STXBP3: variants seen among roughly 807,000 people sequenced by gnomAD.
The protein encoded by STXBP3 is syntaxin binding protein 3.
A neutral mutation model predicts 85.7 loss-of-function variants in STXBP3; 41 were observed. The ratio of observed to expected loss-of-function variants is 0.48; its 90% CI spans 0.37 to 0.62. The LOEUF (loss-of-function observed/expected upper bound fraction) is 0.62, where lower values mean the gene tolerates loss of function less well. STXBP3 is among the 20% of genes least tolerant of loss of function. The pLI is 0.00. For missense variants in STXBP3, 563 were observed against 703.1 expected (o/e 0.80, Z 2.25); for synonymous variants, 229 against 231.7 (o/e 0.99, Z 0.10).
At chr1:108,754,118 C>G (rs1269514299) in intron 3 of STXBP3, among the ~76,000 whole-genome samples, 5 of 150,062 alleles carry the variant, frequency 3.3e-5, no homozygotes, top group Admixed American at 1.3e-4. Context: ...CTGCAGCCTC[C>G]TCCTCCTGGG....
intron 6 of STXBP3, among the ~76,000 whole-genome samples, chr1:108,765,591 T>TTTTTTTTTTTC (rs796642937): frequency 7.3e-5 from 9 of 122,650 alleles, no homozygotes; most frequent in Non-Finnish European, 1.2e-4. Context: ...TTTTTTTTTT[T>TTTTTTTTTTTC]TGAGACGGAG....
intron 17 of STXBP3, among the ~76,000 whole-genome samples, chr1:108,801,428 C>G (rs1327002413): frequency 6.6e-6 from 1 of 152,120 alleles, no homozygotes; most frequent in Non-Finnish European, 1.5e-5. Context: ...GAATCTTTCT[C>G]TCTTGCTCTC....
chr1:108,769,637 A>G (rs1435712222), intron 6 of STXBP3, among the ~76,000 whole-genome samples: 2 of 152,182 alleles, frequency 1.3e-5, no homozygotes, highest in Non-Finnish European at 2.9e-5. Flanking sequence ...AGTAGTCTTA[A>G]AAAACTTTTA....
Position 108,809,074 on chromosome 1 carries a change from AGAT to A in STXBP3, c.*203_*205del, listed in dbSNP as rs1341883458. On this transcript the variant is annotated 3_prime_UTR_variant, in exon 19 of 19. Transcript: ENST00000370008. ...AATTTAAATATTGCTGCTGCTTTGT[AGAT>A]GATGAGAAGAAATGTTAAAGTGCTT... 2.2e-6 allele frequency: 1 copy of A among 464,290 alleles called. No individual in the cohort carries two copies. The highest frequency in any genetic ancestry group is 3.8e-6 in the Non-Finnish European group (1 of 266,654). The allele number at this position is 464,290 out of a possible 1,614,324, so 28.8% of individuals were successfully genotyped here. A position where few individuals can be genotyped will look rare whatever the true frequency, so the allele number is the denominator to read the frequency against.
At position 108,782,190 on chromosome 1, in the gene STXBP3, A is replaced by G. The variant is rs1662727798; in HGVS notation, c.810-232A>G. 8 of 404,552 alleles carry G rather than the reference A, an allele frequency of 2.0e-5. No individual in the cohort carries two copies. The East Asian group carries it at 3.2e-4, about 16-fold the overall frequency. 25.1% of individuals were successfully genotyped at this position (404,552 alleles called of 1,614,324 possible). On this transcript the variant is annotated intron_variant, in intron 9 of 18. Transcript: ENST00000370008. ...ATTTTGCTGAACTAAAACTCTAATA[A>G]TGGCACCTAAACTGAATATTTGAAA...
intron 7 of STXBP3, among the ~76,000 whole-genome samples, chr1:108,773,066 C>T (rs975105045): frequency 9.2e-5 from 14 of 152,002 alleles, no homozygotes; most frequent in African/African-American, 2.2e-4. Context: ...GTTTAAAGAA[C>T]GCTTAGAGGA....
chr1:108,807,142 C>G (rs1192690533), intron 17 of STXBP3, among the ~76,000 whole-genome samples: 1 of 151,598 alleles, frequency 6.6e-6, no homozygotes, highest in Non-Finnish European at 1.5e-5. Context: ...ATCCTAGCTA[C>G]TCGGGAGGCT....
intron 16 of STXBP3, among the ~76,000 whole-genome samples, chr1:108,799,673 G>A (rs11586564): frequency 0.46 from 69,094 of 151,854 alleles, 16,091 homozygotes; most frequent in Non-Finnish European, 0.51. Context: ...AAAAATGTGA[G>A]CATGAACCTA....
intron 6 of STXBP3, among the ~76,000 whole-genome samples, chr1:108,765,495 G>A (rs1324608174): frequency 6.6e-6 from 1 of 151,902 alleles, no homozygotes. Flanking sequence ...TCCATAAGAG[G>A]CAAAGACTAT....
At chr1:108,791,091 T>G (rs1041846822) in intron 11 of STXBP3, among the ~76,000 whole-genome samples, 2 of 152,294 alleles carry the variant, frequency 1.3e-5, no homozygotes, top group Non-Finnish European at 1.5e-5. Flanking sequence ...GCATCTTCGT[T>G]TTGCAATTTT....
Position 108,772,836 on chromosome 1 carries a change from C to A in STXBP3, c.593+17C>A. On this transcript the variant is annotated intron_variant, in intron 7 of 18. Transcript: ENST00000370008. ...ATATAAAAGGTAAGACACTGAGCAT[C>A]TGCACATGTTATGCTTCCTATTTAC... is the stretch of plus-strand genomic sequence containing the variant. 6.4e-7 allele frequency: 1 copy of A among 1,566,252 alleles called. No individual in the cohort carries two copies. The highest frequency in any genetic ancestry group is 1.4e-5 in the African/African-American group (1 of 72,878).
At chr1:108,752,370 A>C in intron 2 of STXBP3, 64 bp downstream of exon 2, 2 of 1,452,956 alleles carry the variant, frequency 1.4e-6, no homozygotes, top group Non-Finnish European at 1.9e-6. Context: ...TACAGTATAA[A>C]AACTACATAG....
intron 1 of STXBP3, among the ~76,000 whole-genome samples, chr1:108,747,899 G>A (rs1377053516): frequency 6.6e-6 from 1 of 152,152 alleles, no homozygotes; most frequent in African/African-American, 2.4e-5. Flanking sequence ...GATTTGAGAT[G>A]TTTTAAAACA....
intron 17 of STXBP3, among the ~76,000 whole-genome samples, chr1:108,801,723 C>T (rs2101137151): frequency 6.6e-6 from 1 of 151,418 alleles, no homozygotes; most frequent in East Asian, 1.9e-4. Context: ...TGCAGGAGTG[C>T]AGTGGCATGA....
intron 7 of STXBP3, among the ~76,000 whole-genome samples, chr1:108,773,613 C>T (rs1293354947): frequency 1.3e-5 from 2 of 152,152 alleles, no homozygotes; most frequent in Non-Finnish European, 2.9e-5. Flanking sequence ...CAGCTCATGG[C>T]ACAAGGCAGG....
intron 17 of STXBP3, among the ~76,000 whole-genome samples, chr1:108,805,682 C>T (rs186366602): frequency 6.6e-6 from 1 of 152,188 alleles, no homozygotes; most frequent in Non-Finnish European, 1.5e-5. Context: ...CTCGGCCTCC[C>T]GAAGTGCTGG....
chr1:108,757,176 G>C (rs1662039044), intron 4 of STXBP3, among the ~76,000 whole-genome samples: 1 of 151,902 alleles, frequency 6.6e-6, no homozygotes, highest in African/African-American at 2.4e-5. Flanking sequence ...GTATATATGT[G>C]TGTATGTATA....
intron 8 of STXBP3, 88 bp from the exon 9 acceptor site, chr1:108,779,198 A>T (rs1208082513): frequency 2.9e-6 from 4 of 1,400,626 alleles, no homozygotes; most frequent in Non-Finnish European, 3.9e-6. Flanking sequence ...GAACTTAGGA[A>T]AAGGGTGCTT....
chr1:108,801,345 A>T (rs1206792003), intron 17 of STXBP3, among the ~76,000 whole-genome samples: 1 of 152,162 alleles, frequency 6.6e-6, no homozygotes, highest in Non-Finnish European at 1.5e-5. Flanking sequence ...TTTGGTTGAA[A>T]ATTGGACCTT....
Sources: allele counts gnomAD v4.1 joint callset (sites outside exome capture counted in the v4.1 genomes callset), GRCh38; gene constraint gnomAD v4.1.1; transcripts MANE v1.5; gene names NCBI Gene and HGNC (gene_info 2026-07-23, HGNC 2026-07-21).